VAC14: variants seen among roughly 807,000 people sequenced by gnomAD.
VAC14 encodes the protein VAC14 component of PIKFYVE complex, also known as protein VAC14 homolog.
A neutral mutation model predicts 85.3 loss-of-function variants in VAC14; 47 were observed. That is an observed-to-expected ratio of 0.55 (90% confidence interval 0.44 to 0.70). The LOEUF (loss-of-function observed/expected upper bound fraction) is 0.70, where lower values mean the gene tolerates loss of function less well. Ranked by LOEUF, VAC14 falls within the 30% of genes least tolerant of loss-of-function variation. The pLI is 0.00. For missense variants in VAC14, 861 were observed against 1,004.3 expected (o/e 0.86, Z 1.93); for synonymous variants, 447 against 430.5 (o/e 1.04, Z -0.47).
chr16:70,717,498 A>G (rs2054192285), intron 14 of VAC14, among the ~76,000 whole-genome samples: 1 of 152,216 alleles, frequency 6.6e-6, no homozygotes, highest in East Asian at 1.9e-4. Flanking sequence ...CACACTGAAT[A>G]GTATTGATAC....
chr16:70,726,305 C>T (rs887438227), intron 14 of VAC14, among the ~76,000 whole-genome samples: 6 of 152,222 alleles, frequency 3.9e-5, no homozygotes, highest in South Asian at 2.1e-4. Flanking sequence ...CGGGCCGGGC[C>T]GCTGGTGGGT....
intron 1 of VAC14, among the ~76,000 whole-genome samples, chr16:70,794,723 G>A (rs151173704): frequency 1.7e-4 from 26 of 152,314 alleles, no homozygotes; most frequent in Middle Eastern, 3.4e-3. Flanking sequence ...ACAGGTCTGC[G>A]TGTAGGTCAC....
In VAC14 at chr16:70,694,620, GC is replaced by G. The variant is rs537213322; in HGVS notation, c.2035+923del. ...GAGACGCTGCCAGAGAGTGGGAGAG[GC>G]CGGGTGGCCAGCTTGGCAGGGAAGG... On this transcript the variant is annotated intron_variant, in intron 17 of 18. Coordinates refer to ENST00000261776, the MANE Select transcript of VAC14 (RefSeq NM_018052.5). Among the ~76,000 whole-genome samples, 25 of 152,342 alleles carry G rather than the reference GC, an allele frequency of 1.6e-4. 1 individual carries two copies. The South Asian group carries it at 5.2e-3, about 32-fold the overall frequency.
intron 14 of VAC14, among the ~76,000 whole-genome samples, chr16:70,721,582 G>T (rs2054293679): frequency 6.6e-6 from 1 of 152,152 alleles, no homozygotes; most frequent in East Asian, 1.9e-4. Flanking sequence ...GGAGGGCCCG[G>T]CTTCTCTCTA....
intron 14 of VAC14, among the ~76,000 whole-genome samples, chr16:70,725,249 G>A (rs1458489122): frequency 2.0e-5 from 3 of 152,222 alleles, no homozygotes; most frequent in Non-Finnish European, 4.4e-5. Flanking sequence ...CTCGAGATTC[G>A]GCAGCTGCAG....
chr16:70,730,302 A>T (rs2054552135), intron 14 of VAC14, among the ~76,000 whole-genome samples: 1 of 151,866 alleles, frequency 6.6e-6, no homozygotes, highest in Admixed American at 6.6e-5. Context: ...AGTCACGTTG[A>T]TCCCCTGCTC....
intron 13 of VAC14, among the ~76,000 whole-genome samples, chr16:70,734,854 G>A (rs2054700951): frequency 6.6e-6 from 1 of 152,052 alleles, no homozygotes; most frequent in African/African-American, 2.4e-5. Flanking sequence ...ATACACAGAG[G>A]AGCTGTGAAT....
chr16:70,786,109 A>C, intron 2 of VAC14, 106 bp downstream of exon 2: 1 of 1,511,134 alleles, frequency 6.6e-7, no homozygotes, highest in South Asian at 1.3e-5. Context: ...GTAATAAAAC[A>C]TAGGTCTGCA....
At position 70,780,867 on chromosome 16, in the gene VAC14, T is replaced by C. The variant is rs780484155; in HGVS notation, c.1019A>G (p.Asp340Gly). ...CTGCCTCTGCCCAGGTCTCAGCTCA[T>C]CCAGCTCGTCGTCCTCGGGGGTGAC... ...KLVTPEDDEL[D>G]ELRPGQRQAE... The change falls in exon 9 of 19, where the codon GAT becomes GGT. Residue 340 changes from aspartate (D) to glycine (G), a missense_variant. Physicochemically the swap from Asp to Gly is moderately conservative, Grantham distance 94. Coordinates refer to ENST00000261776, the MANE Select transcript of VAC14 (RefSeq NM_018052.5). 13 of 1,614,052 alleles carry C rather than the reference T, an allele frequency of 8.1e-6. No individual in the cohort carries two copies. Among genetic ancestry groups the C allele is most frequent in the South Asian group, 5.5e-5 (5 of 91,090 alleles).
chr16:70,700,924 G>C (rs2142992593), intron 14 of VAC14, among the ~76,000 whole-genome samples: 1 of 152,316 alleles, frequency 6.6e-6, no homozygotes, highest in African/African-American at 2.4e-5. Flanking sequence ...ACCTGTGGCA[G>C]CAGAGGGCAG....
At chr16:70,783,405 T>C (rs1023316905) in intron 6 of VAC14, 40 bp downstream of exon 6, 4 of 1,584,686 alleles carry the variant, frequency 2.5e-6, no homozygotes, top group Admixed American at 1.7e-5. Flanking sequence ...CAGCTGGGGG[T>C]GGCAGGAGGC....
chr16:70,731,738 G>C, intron 13 of VAC14, 111 bp from the exon 14 acceptor site: 1 of 1,194,566 alleles, frequency 8.4e-7, no homozygotes, highest in Non-Finnish European at 1.1e-6. Flanking sequence ...TGTGTGGGGG[G>C]TGTTATAACA....
intron 15 of VAC14, among the ~76,000 whole-genome samples, chr16:70,697,930 C>A (rs752891974): frequency 1.3e-5 from 2 of 152,142 alleles, no homozygotes; most frequent in Non-Finnish European, 2.9e-5. Context: ...GGAAATGAAA[C>A]CCCTGGAGTC....
chr16:70,698,133 G>C (rs2053751316), intron 15 of VAC14, among the ~76,000 whole-genome samples: 1 of 152,276 alleles, frequency 6.6e-6, no homozygotes, highest in South Asian at 2.1e-4. Flanking sequence ...CAACAAACTT[G>C]ACACCTTGGC....
At chr16:70,770,063 C>G (rs1458394766) in intron 10 of VAC14, 1 of 152,456 alleles carries the variant, frequency 6.6e-6, no homozygotes, top group Admixed American at 6.5e-5. Context: ...GTCTGCCTCC[C>G]CCTTTCTCCT....
At chr16:70,778,836 A>G (rs1276323254) in intron 9 of VAC14, 2 of 152,176 alleles carry the variant, frequency 1.3e-5, no homozygotes, top group African/African-American at 4.8e-5. Context: ...TACTTTCCAA[A>G]TTTTCTAAAA....
intron 18 of VAC14, 112 bp from the exon 19 acceptor site, chr16:70,688,202 G>A: frequency 7.4e-7 from 1 of 1,346,822 alleles, no homozygotes; most frequent in Non-Finnish European, 9.6e-7. Flanking sequence ...CTCGGCCTGT[G>A]GGCGTCTGTC....
chr16:70,768,758 C>T, intron 10 of VAC14: 2 of 450,336 alleles, frequency 4.4e-6, no homozygotes, highest in South Asian at 3.1e-5. Flanking sequence ...CCATGGTGAT[C>T]CTTGAACCCC....
intron 14 of VAC14, among the ~76,000 whole-genome samples, chr16:70,710,452 G>A (rs1229436541): frequency 1.3e-5 from 2 of 152,250 alleles, no homozygotes; most frequent in Non-Finnish European, 2.9e-5. Context: ...GGACTTGTGA[G>A]GAATGAGGCG....
Sources: gnomAD v4.1 joint callset for allele counts (sites outside exome capture counted in the v4.1 genomes callset) on GRCh38, gnomAD v4.1.1 for gene constraint, MANE v1.5 for transcripts, NCBI Gene and HGNC (gene_info 2026-07-23, HGNC 2026-07-21) for gene names.